SLC9A9: variants seen among roughly 807,000 people sequenced by gnomAD.
SLC9A9 encodes solute carrier family 9 member A9, also known as sodium/hydrogen exchanger 9.
A neutral mutation model predicts 77.8 loss-of-function variants in SLC9A9; 62 were observed. The ratio of observed to expected loss-of-function variants is 0.80; its 90% CI spans 0.65 to 0.98. The LOEUF (loss-of-function observed/expected upper bound fraction) is 0.98, where lower values mean the gene tolerates loss of function less well. SLC9A9 is among the 50% of genes least tolerant of loss of function. The probability of loss-of-function intolerance (pLI) is 0.00; values close to 1 mark genes in which losing one functional copy is unlikely to be tolerated. For missense variants in SLC9A9, 775 were observed against 774.9 expected (o/e 1.00, Z 0.00); for synonymous variants, 320 against 283.5 (o/e 1.13, Z -1.29).
chr3:143,389,343 C>G (rs190516634), intron 12 of SLC9A9, among the ~76,000 whole-genome samples: 4 of 152,138 alleles, frequency 2.6e-5, no homozygotes, highest in African/African-American at 7.2e-5. Flanking sequence ...TAGGGTCTAA[C>G]TAAGTTAGCA....
rs1467083694 is a variant in SLC9A9 at position 143,363,470 on chromosome 3, T to C, written c.1604+14A>G. On this transcript the variant is annotated intron_variant, in intron 14 of 15. Transcript: ENST00000316549. Reference sequence around the variant, plus strand: ...TGCAGCAGGATCTGTGAGATCGTTATTATCAAAGGATACTTGTGGTCAAAG... The same window carrying C: ...TGCAGCAGGATCTGTGAGATCGTTACTATCAAAGGATACTTGTGGTCAAAG... 3 of 1,610,606 alleles carry C rather than the reference T, an allele frequency of 1.9e-6. No individual in the cohort carries two copies.
At chr3:143,634,960 T>C (rs902510468) in intron 6 of SLC9A9, among the ~76,000 whole-genome samples, 1 of 152,150 alleles carries the variant, frequency 6.6e-6, no homozygotes, top group Non-Finnish European at 1.5e-5. Flanking sequence ...TGAGGCTCAC[T>C]GCTGTTTTAA....
chr3:143,664,583 C>A (rs1006125613), intron 5 of SLC9A9, among the ~76,000 whole-genome samples: 2 of 152,076 alleles, frequency 1.3e-5, no homozygotes, highest in South Asian at 2.1e-4. Flanking sequence ...TTCAGGAGAC[C>A]CATCTCATGT....
chr3:143,620,986 A>G (rs1431952835), intron 6 of SLC9A9, among the ~76,000 whole-genome samples: 2 of 152,310 alleles, frequency 1.3e-5, no homozygotes, highest in East Asian at 1.9e-4. Context: ...CCTGGCTCAG[A>G]GGGTCCTATG....
At chr3:143,287,595 T>C (rs1184765765) in intron 14 of SLC9A9, among the ~76,000 whole-genome samples, 1 of 152,206 alleles carries the variant, frequency 6.6e-6, no homozygotes, top group African/African-American at 2.4e-5. Flanking sequence ...GCCCACACAA[T>C]GAAGGAGCTG....
At chr3:143,502,290 T>C (rs1338529687) in intron 9 of SLC9A9, among the ~76,000 whole-genome samples, 1 of 151,268 alleles carries the variant, frequency 6.6e-6, no homozygotes, top group East Asian at 1.9e-4. Context: ...AAGTTAATAG[T>C]GCAAACAAGA....
At chr3:143,404,175 TTTC>T (rs1430130732) in intron 12 of SLC9A9, among the ~76,000 whole-genome samples, 49 of 96,768 alleles carry the variant, frequency 5.1e-4, no homozygotes, top group African/African-American at 1.6e-3. Flanking sequence ...ATTTTTCTTT[TTTC>T]TTTTTTTTTT....
At chr3:143,499,276 CA>C (rs1314405398) in intron 9 of SLC9A9, among the ~76,000 whole-genome samples, 1 of 152,064 alleles carries the variant, frequency 6.6e-6, no homozygotes, top group African/African-American at 2.4e-5. Context: ...TTTTAATATT[CA>C]AGTTTGGATC....
intron 4 of SLC9A9, among the ~76,000 whole-genome samples, chr3:143,734,433 G>C (rs1443482764): frequency 6.6e-6 from 1 of 152,094 alleles, no homozygotes; most frequent in African/African-American, 2.4e-5. Flanking sequence ...GGGTGGGGAG[G>C]TGATAGGTAA....
intron 9 of SLC9A9, among the ~76,000 whole-genome samples, chr3:143,510,357 T>C (rs940133967): frequency 3.9e-5 from 6 of 152,196 alleles, no homozygotes. Context: ...AAAAACATTG[T>C]CTTTATTAAA....
intron 14 of SLC9A9, among the ~76,000 whole-genome samples, chr3:143,319,660 TG>T (rs1315335059): frequency 6.6e-6 from 1 of 152,232 alleles, no homozygotes. Context: ...TATTATCATT[TG>T]TCTTTTCCGC....
At chr3:143,649,213 T>C (rs1335015736) in intron 6 of SLC9A9, among the ~76,000 whole-genome samples, 2 of 152,212 alleles carry the variant, frequency 1.3e-5, no homozygotes, top group African/African-American at 4.8e-5. Context: ...CTCTTCCATA[T>C]ATCTTTTGCC....
At chr3:143,515,936 G>A (rs1041083988) in intron 9 of SLC9A9, among the ~76,000 whole-genome samples, 4 of 152,146 alleles carry the variant, frequency 2.6e-5, no homozygotes, top group African/African-American at 4.8e-5. Flanking sequence ...TCTCTTTCAC[G>A]GTTTGTATAA....
chr3:143,650,666 G>A (rs369708101), intron 6 of SLC9A9, among the ~76,000 whole-genome samples: 22 of 152,192 alleles, frequency 1.4e-4, no homozygotes, highest in Admixed American at 1.0e-3. Context: ...CAGAATTGCC[G>A]AAGCTGAGGA....
At chr3:143,541,630 G>C (rs1261202521) in intron 9 of SLC9A9, among the ~76,000 whole-genome samples, 1 of 152,168 alleles carries the variant, frequency 6.6e-6, no homozygotes, top group Non-Finnish European at 1.5e-5. Flanking sequence ...CATATCCCTT[G>C]AGCAATGACC....
intron 9 of SLC9A9, among the ~76,000 whole-genome samples, chr3:143,525,825 A>G (rs918159072): frequency 6.6e-6 from 1 of 152,242 alleles, no homozygotes; most frequent in African/African-American, 2.4e-5. Context: ...CAATAATGAC[A>G]AAAGAAAAAA....
chr3:143,552,976 T>C (rs945612008), intron 8 of SLC9A9, among the ~76,000 whole-genome samples: 5 of 152,100 alleles, frequency 3.3e-5, no homozygotes, highest in African/African-American at 1.2e-4. Flanking sequence ...CTGCCAACGC[T>C]CCTACTTGCC....
chr3:143,437,331 T>TA lies in SLC9A9; in HGVS notation c.1469+29705_1469+29706insT, dbSNP rs149679890. 2.5e-4 allele frequency among the ~76,000 whole-genome samples: 38 copies of TA among 152,292 alleles called. No homozygotes were observed. The East Asian group carries it at 5.8e-3, about 23-fold the overall frequency. On this transcript the variant is annotated intron_variant, in intron 12 of 15. Transcript: ENST00000316549. The stretch of plus-strand genomic sequence containing the variant: ...CCTTCCTCTGTTTGCTTGCAAGCCC[T>TA]CTCCCCTCAGAATGAAGGTTGCTTC...
chr3:143,293,270 G>T (rs1011211185), intron 14 of SLC9A9, among the ~76,000 whole-genome samples: 2 of 152,184 alleles, frequency 1.3e-5, no homozygotes, highest in Non-Finnish European at 1.5e-5. Flanking sequence ...TGTATGCATT[G>T]GTTCAGGCAG....
Sources: allele counts gnomAD v4.1 joint callset (sites outside exome capture counted in the v4.1 genomes callset), GRCh38; gene constraint gnomAD v4.1.1; transcripts MANE v1.5; gene names NCBI Gene and HGNC (gene_info 2026-07-23, HGNC 2026-07-21).